GREB1: variants seen among roughly 807,000 people sequenced by gnomAD.
The protein encoded by GREB1 is growth regulating estrogen receptor binding 1, also known as protein GREB1.
A neutral mutation model predicts 200.7 loss-of-function variants in GREB1; 106 were observed. That is an observed-to-expected ratio of 0.53 (90% CI 0.45 to 0.62). GREB1 has a LOEUF of 0.62. Ranked by LOEUF, GREB1 falls within the 20% of genes least tolerant of loss-of-function variation. GREB1 has a pLI of 0.00. For synonymous variants in GREB1, 1,132 were observed against 1,092.4 expected, an observed-to-expected ratio of 1.04 and a Z score of -0.72; for missense variants, 2,243 against 2,556.8, an observed-to-expected ratio of 0.88 and a Z score of 2.65.
intron 1 of GREB1, among the ~76,000 whole-genome samples, chr2:11,507,023 T>C (rs553576328): frequency 1.3e-5 from 2 of 152,348 alleles, no homozygotes; most frequent in South Asian, 2.1e-4. Flanking sequence ...TAACTTATTA[T>C]ACAAAGAAAT....
At chr2:11,602,660 G>T (rs1170924401) in intron 17 of GREB1, 118 bp downstream of exon 17, 2 of 801,080 alleles carry the variant, frequency 2.5e-6, no homozygotes, top group African/African-American at 3.4e-5. Flanking sequence ...GAGCAACTCA[G>T]TTTCTCCACT....
intron 31 of GREB1, 140 bp from the exon 32 acceptor site, chr2:11,638,531 C>A: frequency 1.6e-6 from 1 of 637,262 alleles, no homozygotes; most frequent in Non-Finnish European, 2.7e-6. Flanking sequence ...TTGGAAATAA[C>A]ATGAAAATAT....
chr2:11,602,186 A>G (rs142928133), intron 16 of GREB1, among the ~76,000 whole-genome samples: 2 of 152,024 alleles, frequency 1.3e-5, no homozygotes, highest in African/African-American at 4.8e-5. Flanking sequence ...TGAATGGAAA[A>G]CTCCTGAGCA....
intron 7 of GREB1, among the ~76,000 whole-genome samples, chr2:11,581,925 G>A (rs1679526343): frequency 6.6e-6 from 1 of 152,162 alleles, no homozygotes; most frequent in Non-Finnish European, 1.5e-5. Context: ...AGAATCCGAG[G>A]CCTCCCAACC....
At chr2:11,639,352 G>A (rs1558680420) in intron 32 of GREB1, among the ~76,000 whole-genome samples, 1 of 152,224 alleles carries the variant, frequency 6.6e-6, no homozygotes, top group Non-Finnish European at 1.5e-5. Context: ...GCCTCCCAAA[G>A]TGTTGGGATT....
At chr2:11,550,007 C>T (rs1675650466) in intron 1 of GREB1, among the ~76,000 whole-genome samples, 1 of 152,116 alleles carries the variant, frequency 6.6e-6, no homozygotes, top group African/African-American at 2.4e-5. Flanking sequence ...TCACCTGAGT[C>T]AGGAGATTCA....
intron 32 of GREB1, among the ~76,000 whole-genome samples, chr2:11,639,369 G>A (rs904551252): frequency 2.6e-5 from 4 of 152,180 alleles, no homozygotes; most frequent in Non-Finnish European, 4.4e-5. Context: ...GATTACCGGC[G>A]TGAGCCACCG....
intron 23 of GREB1, among the ~76,000 whole-genome samples, 182 bp from the exon 24 acceptor site, chr2:11,624,972 C>A (rs1684320634): frequency 6.6e-6 from 1 of 152,208 alleles, no homozygotes; most frequent in African/African-American, 2.4e-5. Context: ...CACCACACAT[C>A]CTAGTGTGTA....
intron 15 of GREB1, among the ~76,000 whole-genome samples, chr2:11,599,230 G>A (rs1681537747): frequency 1.3e-5 from 2 of 152,112 alleles, no homozygotes; most frequent in African/African-American, 2.4e-5. Context: ...ATGCTGGTGT[G>A]GGGTGCGGAG....
Position 11,585,263 on chromosome 2 carries a change from G to T in GREB1, c.1004G>T (p.Arg335Ile). Reference protein sequence around the residue: ...DGGCPQGGGNRAKYESAGMSC... With the variant: ...DGGCPQGGGNIAKYESAGMSC... ...GGCTGCCCCCAAGGTGGTGGGAACA[G>T]AGCTAAGTATGGTAAGTGATGGCAG... Residue 335 changes from arginine to isoleucine, a missense_variant, in exon 8 of 33, where the codon AGA (arginine) becomes ATA (isoleucine). Coordinates refer to ENST00000381486, the MANE Select transcript of GREB1 (RefSeq NM_014668.4). 3.2e-6 allele frequency: 5 copies of T among 1,540,314 alleles called. No homozygotes were observed. The highest frequency in any genetic ancestry group is 2.6e-6 in the Non-Finnish European group (3 of 1,144,102).
chr2:11,606,743 A>T (rs1040879771), intron 17 of GREB1, among the ~76,000 whole-genome samples: 2 of 147,168 alleles, frequency 1.4e-5, no homozygotes, highest in Non-Finnish European at 3.0e-5. Flanking sequence ...ATTGATTGCT[A>T]TTTGATTTTA....
Position 11,585,892 on chromosome 2 carries a change from A to C in GREB1, c.1146A>C (p.Pro382=), listed in dbSNP as rs774014143. The C allele has an allele frequency of 6.2e-7, 1 of 1,613,982 alleles. No homozygotes were observed. The highest frequency in any genetic ancestry group is 1.7e-5 in the Admixed American group (1 of 60,028). The change falls in exon 9 of 33, where the codon CCA becomes CCC. Residue 382 remains proline, a synonymous_variant. Transcript: ENST00000381486. ...DNLLKICKAK[P]VIFKGHGNFP... ...TGCTGAAAATATGCAAGGCCAAGCC[A>C]GTGATATTTAAAGGCAAGTACAGCA...
chr2:11,635,513 A>T, intron 30 of GREB1, 108 bp downstream of exon 30: 1 of 1,310,794 alleles, frequency 7.6e-7, no homozygotes, highest in Non-Finnish European at 1.0e-6. Context: ...TTTCAAGCGC[A>T]TGGGGCAGGG....
chr2:11,573,249 A>C (rs1473526309), intron 4 of GREB1, among the ~76,000 whole-genome samples: 1 of 152,206 alleles, frequency 6.6e-6, no homozygotes, highest in African/African-American at 2.4e-5. Context: ...GTGCTTGTTA[A>C]ACAAATGCTA....
At chr2:11,500,858 G>A (rs990959512) in intron 1 of GREB1, among the ~76,000 whole-genome samples, 14 of 152,334 alleles carry the variant, frequency 9.2e-5, no homozygotes, top group Admixed American at 7.8e-4. Flanking sequence ...GCAAGTCAGA[G>A]TAAGAGGAAT....
intron 16 of GREB1, among the ~76,000 whole-genome samples, chr2:11,601,284 A>C (rs1681757794): frequency 6.6e-6 from 1 of 152,176 alleles, no homozygotes; most frequent in South Asian, 2.1e-4. Flanking sequence ...GTTCTATGGC[A>C]TTGAATGGAG....
At chr2:11,600,289 G>A (rs1353628413) in intron 15 of GREB1, among the ~76,000 whole-genome samples, 1 of 152,082 alleles carries the variant, frequency 6.6e-6, no homozygotes, top group African/African-American at 2.4e-5. Flanking sequence ...GAATGCAAAG[G>A]CCTTTGTCCC....
chr2:11,606,875 C>T (rs970877295), intron 17 of GREB1, among the ~76,000 whole-genome samples: 3 of 151,626 alleles, frequency 2.0e-5, no homozygotes, highest in Non-Finnish European at 2.9e-5. Context: ...CTCTGCCTCC[C>T]GGGTTCAAGT....
intron 10 of GREB1, among the ~76,000 whole-genome samples, chr2:11,592,299 A>T (rs1322582872): frequency 1.1e-4 from 16 of 147,252 alleles, no homozygotes; most frequent in Non-Finnish European, 1.9e-4. Context: ...TCCAACTTAT[A>T]ATTGGTGAGT....
Sources: allele counts gnomAD v4.1 joint callset (sites outside exome capture counted in the v4.1 genomes callset), GRCh38; gene constraint gnomAD v4.1.1; transcripts MANE v1.5; gene names NCBI Gene and HGNC (gene_info 2026-07-23, HGNC 2026-07-21).